Variants in GPC3 observed in about 807,000 individuals in gnomAD.
GPC3 encodes glypican-3.
Under a neutral mutation model 34.4 loss-of-function variants are expected in GPC3, and 3 were observed. The ratio of observed to expected loss-of-function variants is 0.09; its 90% CI spans 0.04 to 0.23. The LOEUF is 0.23. Ranked by LOEUF, GPC3 falls within the 10% of genes least tolerant of loss-of-function variation. The pLI is 1.00. For missense variants in GPC3, 351 were observed against 445.6 expected (o/e 0.79, Z 1.91); for synonymous variants, 177 against 174.0 (o/e 1.02, Z -0.13).
At chrX:133,789,317 A>T (rs1395787205) in intron 2 of GPC3, among the ~76,000 whole-genome samples, 2 of 111,875 alleles carry the variant, frequency 1.8e-5, no homozygotes, top group Non-Finnish European at 3.8e-5. Flanking sequence ...GAGTTAGTTA[A>T]ATCATCTATA....
At chrX:133,909,371 G>A (rs1053447768) in intron 2 of GPC3, among the ~76,000 whole-genome samples, 7 of 111,938 alleles carry the variant, frequency 6.3e-5, no homozygotes, top group African/African-American at 9.7e-5. Context: ...TTCTGGCATG[G>A]TTGTTCTGAT....
intron 6 of GPC3, among the ~76,000 whole-genome samples, chrX:133,630,282 AT>A (rs1315377627): frequency 2.7e-5 from 3 of 111,724 alleles, no homozygotes; most frequent in African/African-American, 9.7e-5. Context: ...TAGAAAAACA[AT>A]CAGGAATGTC....
At chrX:133,954,716 T>C (rs1295649935) in intron 1 of GPC3, among the ~76,000 whole-genome samples, 3 of 106,778 alleles carry the variant, frequency 2.8e-5, no homozygotes, top group Admixed American at 1.0e-4. Flanking sequence ...TCTCTTCAAC[T>C]TCTGTCTTAC....
At chrX:133,552,715 C>T (rs2069447116) in intron 7 of GPC3, among the ~76,000 whole-genome samples, 1 of 111,727 alleles carries the variant, frequency 9.0e-6, no homozygotes, top group East Asian at 2.8e-4. Flanking sequence ...ATATTTTGCT[C>T]AATGCAATCA....
At chrX:133,778,497 C>T (rs897105322) in intron 2 of GPC3, among the ~76,000 whole-genome samples, 16 of 111,777 alleles carry the variant, frequency 1.4e-4, no homozygotes, top group Admixed American at 5.7e-4. Context: ...GCAACTGATA[C>T]GAATTGAAAC....
chrX:133,898,565 G>T (rs1603268260), intron 2 of GPC3, among the ~76,000 whole-genome samples: 1 of 112,136 alleles, frequency 8.9e-6, no homozygotes, highest in African/African-American at 3.2e-5. Flanking sequence ...TGACATAATA[G>T]AGACAGAAAT....
intron 2 of GPC3, among the ~76,000 whole-genome samples, chrX:133,824,855 T>G (rs2075738359): frequency 8.9e-6 from 1 of 112,377 alleles, no homozygotes; most frequent in African/African-American, 3.2e-5. Context: ...AGAATTACTT[T>G]TTCTTTTTTT....
intron 2 of GPC3, among the ~76,000 whole-genome samples, chrX:133,883,077 TTGTG>T: frequency 9.3e-6 from 1 of 107,414 alleles, no homozygotes; most frequent in African/African-American, 3.4e-5. Context: ...AGAAATATAT[TTGTG>T]TGTGTGTGTG....
chrX:133,943,716 T>G (rs144385017), intron 2 of GPC3, among the ~76,000 whole-genome samples: 1,297 of 111,826 alleles, frequency 0.012, 11 homozygotes, highest in Middle Eastern at 0.042. Context: ...AGCTGACAGG[T>G]GTCACCATTC....
At chrX:133,893,206 G>A (rs1430875721) in intron 2 of GPC3, among the ~76,000 whole-genome samples, 3 of 111,384 alleles carry the variant, frequency 2.7e-5, no homozygotes, top group Admixed American at 9.6e-5. Flanking sequence ...GCAGTGAGCC[G>A]AGGTCGCACC....
intron 1 of GPC3, among the ~76,000 whole-genome samples, chrX:133,978,793 G>A (rs945133722): frequency 2.7e-5 from 3 of 112,030 alleles, no homozygotes; most frequent in African/African-American, 9.7e-5. Context: ...GGGATACAAA[G>A]ATGAATAAAA....
intron 2 of GPC3, among the ~76,000 whole-genome samples, chrX:133,856,399 AC>A (rs2075901587): frequency 9.1e-6 from 1 of 110,041 alleles, no homozygotes; most frequent in South Asian, 3.9e-4. Context: ...ATACCTGTTG[AC>A]CAAAATTTAA....
chrX:133,948,059 G>A (rs1401564778), intron 2 of GPC3, among the ~76,000 whole-genome samples: 1 of 110,671 alleles, frequency 9.0e-6, no homozygotes, highest in African/African-American at 3.3e-5. Flanking sequence ...GCTAGTCAGG[G>A]GGAAAGAATT....
intron 6 of GPC3, among the ~76,000 whole-genome samples, chrX:133,611,527 C>T (rs1165400616): frequency 8.9e-6 from 1 of 111,943 alleles, no homozygotes; most frequent in East Asian, 2.8e-4. Context: ...TCTATCTATT[C>T]CCAAATAATT....
At chrX:133,540,955 T>TGCGCGC (rs1556115807) in intron 7 of GPC3, among the ~76,000 whole-genome samples, 4 of 97,896 alleles carry the variant, frequency 4.1e-5, no homozygotes, top group African/African-American at 1.5e-4. Context: ...TGTGTGTGTG[T>TGCGCGC]GCGCGCACTG....
chrX:133,881,353 T>C (rs1246231464), intron 2 of GPC3, among the ~76,000 whole-genome samples: 1 of 111,969 alleles, frequency 8.9e-6, no homozygotes, highest in East Asian at 2.8e-4. Context: ...TCTAATTGAC[T>C]GAGTACTGTA....
At chrX:133,690,429 A>T (rs1390438002) in intron 5 of GPC3, among the ~76,000 whole-genome samples, 1 of 111,431 alleles carries the variant, frequency 9.0e-6, no homozygotes, top group African/African-American at 3.3e-5. Flanking sequence ...AAGACTTTTT[A>T]GGTTAAGTGA....
intron 3 of GPC3, among the ~76,000 whole-genome samples, chrX:133,734,526 G>A (rs1302600548): frequency 9.2e-6 from 1 of 108,433 alleles, no homozygotes; most frequent in African/African-American, 3.4e-5. Context: ...CATTGTACTG[G>A]AGGTTCAAGC....
intron 6 of GPC3, among the ~76,000 whole-genome samples, chrX:133,633,588 C>T (rs977865864): frequency 4.5e-5 from 5 of 111,848 alleles, no homozygotes; most frequent in Non-Finnish European, 3.8e-5. Flanking sequence ...GGTCAAGAGT[C>T]GGCTCTACCA....
Sources: allele counts gnomAD v4.1 joint callset (sites outside exome capture counted in the v4.1 genomes callset), GRCh38; gene constraint gnomAD v4.1.1; transcripts MANE v1.5; gene names NCBI Gene and HGNC (gene_info 2026-07-23, HGNC 2026-07-21).